The following GBE1 variants were observed in gnomAD, a reference collection of about 807,000 sequenced individuals.
The protein encoded by GBE1 is 1,4-alpha-glucan-branching enzyme.
A neutral mutation model predicts 88.8 loss-of-function variants in GBE1; 70 were observed. The observed-to-expected ratio is 0.79, with a 90% CI of 0.65 to 0.96. The LOEUF (loss-of-function observed/expected upper bound fraction) is 0.96. Ranked by LOEUF, GBE1 falls within the 40% of genes least tolerant of loss-of-function variation. The pLI, the probability that GBE1 is intolerant of heterozygous loss-of-function variation, is 0.00. For missense variants in GBE1, 872 were observed against 871.0 expected (o/e 1.00, Z -0.01); for synonymous variants, 284 against 300.1 (o/e 0.95, Z 0.56).
rs776067576 is a variant in GBE1 at position 81,536,892 on chromosome 3, T to A, written c.1803+19A>T. On this transcript the variant is annotated intron_variant, in intron 13 of 15. Coordinates refer to ENST00000429644, the MANE Select transcript of GBE1 (RefSeq NM_000158.4). Reference sequence around the variant, plus strand: ...CCTCATTGGTGACTAAAACACAGCATCCAGAGTGAAGAGCTTACCTGTGGA... The same window carrying A: ...CCTCATTGGTGACTAAAACACAGCAACCAGAGTGAAGAGCTTACCTGTGGA... 1 of 1,560,962 alleles carries A rather than the reference T, an allele frequency of 6.4e-7. No homozygotes were observed. The highest frequency in any genetic ancestry group is 8.6e-7 in the Non-Finnish European group (1 of 1,157,454).
chr3:81,673,942 A>T (rs1705221677), intron 2 of GBE1, among the ~76,000 whole-genome samples: 1 of 151,908 alleles, frequency 6.6e-6, no homozygotes, highest in Admixed American at 6.6e-5. Context: ...CACCCAAAAA[A>T]ATCCAGTACA....
intron 1 of GBE1, among the ~76,000 whole-genome samples, chr3:81,731,410 G>A (rs1408054026): frequency 1.3e-5 from 2 of 152,138 alleles, no homozygotes; most frequent in Non-Finnish European, 2.9e-5. Context: ...CAACTCAAAA[G>A]CTAAGCCACT....
At chr3:81,530,623 A>G (rs1039152809) in intron 14 of GBE1, among the ~76,000 whole-genome samples, 5 of 151,990 alleles carry the variant, frequency 3.3e-5, no homozygotes, top group Non-Finnish European at 5.9e-5. Context: ...TCACTGGATT[A>G]TCAGGCAGAA....
At chr3:81,607,767 T>C (rs1413248281) in intron 7 of GBE1, among the ~76,000 whole-genome samples, 1 of 152,186 alleles carries the variant, frequency 6.6e-6, no homozygotes, top group African/African-American at 2.4e-5. Context: ...ATGTCATCCA[T>C]TATGCAATTG....
intron 12 of GBE1, among the ~76,000 whole-genome samples, chr3:81,561,977 T>G (rs978652115): frequency 6.6e-6 from 1 of 152,072 alleles, no homozygotes; most frequent in Admixed American, 6.6e-5. Context: ...TGCCTAAATA[T>G]TGGTTTCGTG....
At chr3:81,515,273 T>G (rs1432938717) in intron 14 of GBE1, among the ~76,000 whole-genome samples, 1 of 151,396 alleles carries the variant, frequency 6.6e-6, no homozygotes, top group African/African-American at 2.4e-5. Context: ...TATTTCAAAC[T>G]TTTTCATTAT....
At chr3:81,601,112 C>T (rs888743014) in intron 7 of GBE1, among the ~76,000 whole-genome samples, 3 of 151,956 alleles carry the variant, frequency 2.0e-5, no homozygotes, top group Non-Finnish European at 2.9e-5. Context: ...AATGGGCTGA[C>T]TGGAGTGGAG....
intron 2 of GBE1, among the ~76,000 whole-genome samples, chr3:81,681,600 G>C (rs1233521002): frequency 6.6e-6 from 1 of 152,076 alleles, no homozygotes; most frequent in Non-Finnish European, 1.5e-5. Flanking sequence ...TTCTAATATA[G>C]CTAGCAATGT....
chr3:81,589,048 A>C (rs1474141311), intron 9 of GBE1, among the ~76,000 whole-genome samples: 1 of 152,108 alleles, frequency 6.6e-6, no homozygotes, highest in Non-Finnish European at 1.5e-5. Context: ...AAAAAAAGGT[A>C]AATCATAAAG....
At chr3:81,679,951 G>A (rs144551134) in intron 2 of GBE1, among the ~76,000 whole-genome samples, 1 of 152,228 alleles carries the variant, frequency 6.6e-6, no homozygotes, top group East Asian at 1.9e-4. Context: ...AAACAGAGCT[G>A]ATCTGGCTGA....
chr3:81,532,061 C>T (rs996331506), intron 14 of GBE1, among the ~76,000 whole-genome samples: 1 of 151,872 alleles, frequency 6.6e-6, no homozygotes, highest in African/African-American at 2.4e-5. Flanking sequence ...CAAACAGATT[C>T]TCTTCTTCCA....
At chr3:81,518,827 A>C (rs555904783) in intron 14 of GBE1, among the ~76,000 whole-genome samples, 37 of 151,640 alleles carry the variant, frequency 2.4e-4, no homozygotes, top group Non-Finnish European at 5.0e-4. Context: ...TCATCAATAA[A>C]TTGCAGCATA....
intron 3 of GBE1, among the ~76,000 whole-genome samples, chr3:81,654,355 G>A (rs1294675462): frequency 6.6e-6 from 1 of 151,882 alleles, no homozygotes; most frequent in Non-Finnish European, 1.5e-5. Context: ...ATTCATGCTT[G>A]GAATATATTT....
At chr3:81,722,938 A>G (rs1056812393) in intron 1 of GBE1, among the ~76,000 whole-genome samples, 1 of 149,268 alleles carries the variant, frequency 6.7e-6, no homozygotes, top group African/African-American at 2.5e-5. Flanking sequence ...ATATATATGT[A>G]CTTATATACA....
At chr3:81,663,791 G>C (rs532517382) in intron 3 of GBE1, among the ~76,000 whole-genome samples, 24 of 152,292 alleles carry the variant, frequency 1.6e-4, no homozygotes, top group Non-Finnish European at 2.6e-4. Context: ...CAGCCTGCCC[G>C]TCTGTGAGTT....
chr3:81,649,064 T>C, intron 4 of GBE1, 73 bp from the exon 5 acceptor site: 1 of 1,040,906 alleles, frequency 9.6e-7, no homozygotes, highest in Non-Finnish European at 1.4e-6. Context: ...AAGTATATTT[T>C]TAAAAAGTGG....
chr3:81,664,975 T>C (rs1705090757), intron 3 of GBE1, among the ~76,000 whole-genome samples: 1 of 152,216 alleles, frequency 6.6e-6, no homozygotes, highest in South Asian at 2.1e-4. Context: ...TCAATTTATA[T>C]TATTTCATTA....
At chr3:81,750,575 A>G (rs1456515921) in intron 1 of GBE1, among the ~76,000 whole-genome samples, 5 of 54,934 alleles carry the variant, frequency 9.1e-5, no homozygotes, top group South Asian at 8.0e-4. Flanking sequence ...ATATATATAT[A>G]CGTATATATA....
intron 2 of GBE1, among the ~76,000 whole-genome samples, chr3:81,703,492 G>C (rs1034637945): frequency 6.6e-6 from 1 of 151,966 alleles, no homozygotes; most frequent in Admixed American, 6.6e-5. Flanking sequence ...TAGAGCACTT[G>C]AACTGAGGCT....
Sources: gnomAD v4.1 joint callset for allele counts (sites outside exome capture counted in the v4.1 genomes callset) on GRCh38, gnomAD v4.1.1 for gene constraint, MANE v1.5 for transcripts, NCBI Gene and HGNC (gene_info 2026-07-23, HGNC 2026-07-21) for gene names.